The following UTRN variants were observed in gnomAD, a reference collection of about 807,000 sequenced individuals.
The protein encoded by UTRN is utrophin, also known as dystrophin-related protein 1.
Under a neutral mutation model 463.9 loss-of-function variants are expected in UTRN, and 283 were observed. The ratio of observed to expected loss-of-function variants is 0.61; its 90% confidence interval spans 0.55 to 0.67. The LOEUF (loss-of-function observed/expected upper bound fraction) is 0.67. Ranked by LOEUF, UTRN falls within the 30% of genes least tolerant of loss-of-function variation. The probability of loss-of-function intolerance (pLI) is 0.00; values close to 1 mark genes in which losing one functional copy is unlikely to be tolerated. For missense variants in UTRN, 3,922 were observed against 4,084.3 expected, an observed-to-expected ratio of 0.96 and a Z score of 1.08; for synonymous variants, 1,442 against 1,431.5, an observed-to-expected ratio of 1.01 and a Z score of -0.17.
chr6:144,458,850 G>A lies in UTRN; in HGVS notation c.2365G>A (p.Asp789Asn). 3 of 1,613,496 alleles carry A rather than the reference G, an allele frequency of 1.9e-6. No individual in the cohort carries two copies. The highest frequency in any genetic ancestry group is 2.5e-6 in the Non-Finnish European group (3 of 1,179,864). The change falls in exon 20 of 75, where the codon GAT becomes AAT. Residue 789 changes from aspartate (D) to asparagine (N), a missense_variant. Asp to Asn is a conservative substitution (Grantham distance 23). Transcript: ENST00000367545. ...EWKNVSQHLEDLERKIQLQED... is the reference protein window; with the variant it reads ...EWKNVSQHLENLERKIQLQED... ...GAAGAATGTATCTCAACATTTGGAA[G>A]ATCTAGAAAGAAAGATTCAGCTACA...
At chr6:144,403,770 G>A (rs1783134523) in intron 3 of UTRN, among the ~76,000 whole-genome samples, 1 of 152,166 alleles carries the variant, frequency 6.6e-6, no homozygotes, top group African/African-American at 2.4e-5. Context: ...GCATGCTGAA[G>A]AGAGGAATTG....
intron 2 of UTRN, among the ~76,000 whole-genome samples, chr6:144,293,032 G>T (rs759451193): frequency 6.6e-6 from 1 of 152,140 alleles, no homozygotes; most frequent in Non-Finnish European, 1.5e-5. Flanking sequence ...TCTTTTGAAG[G>T]TATAGCTTAA....
intron 39 of UTRN, among the ~76,000 whole-genome samples, chr6:144,520,484 G>C (rs2128595181): frequency 6.6e-6 from 1 of 152,254 alleles, no homozygotes; most frequent in African/African-American, 2.4e-5. Context: ...ATTTAAACTT[G>C]CGGCATTAGG....
intron 54 of UTRN, among the ~76,000 whole-genome samples, chr6:144,742,320 C>T (rs535034181): frequency 6.6e-6 from 1 of 152,238 alleles, no homozygotes; most frequent in Non-Finnish European, 1.5e-5. Flanking sequence ...GAGTGGTTGT[C>T]ATCAGTTATT....
intron 44 of UTRN, among the ~76,000 whole-genome samples, chr6:144,538,389 G>A (rs536254474): frequency 6.5e-4 from 99 of 152,144 alleles, no homozygotes; most frequent in African/African-American, 2.3e-3. Flanking sequence ...GAAATTGTGG[G>A]CTGGGTGTGG....
chr6:144,554,900 C>G lies in UTRN; in HGVS notation c.7134+7C>G, dbSNP rs2128613753. On this transcript the variant is annotated splice_region_variant and intron_variant, in intron 49 of 74. Coordinates refer to ENST00000367545, the MANE Select transcript of UTRN (RefSeq NM_007124.3). ...ACAAATTTCTGATAACCAAGTAAGA[C>G]TCATCAGATATTTTTTGGCAGTATT... 5.6e-6 allele frequency: 9 copies of G among 1,613,650 alleles called. No homozygotes were observed. The highest frequency in any genetic ancestry group is 6.8e-6 in the Non-Finnish European group (8 of 1,179,808).
At chr6:144,289,633 T>G (rs145759838) in intron 1 of UTRN, among the ~76,000 whole-genome samples, 1 of 150,986 alleles carries the variant, frequency 6.6e-6, no homozygotes, top group African/African-American at 2.4e-5. Context: ...CAGATGCCCT[T>G]TAACAAGTTT....
intron 52 of UTRN, among the ~76,000 whole-genome samples, chr6:144,681,563 C>CT (rs1352196409): frequency 2.5e-4 from 37 of 148,172 alleles, no homozygotes; most frequent in Middle Eastern, 3.5e-3. Flanking sequence ...TTGCCAGGGC[C>CT]TTTTTTTTTT....
At chr6:144,746,660 A>G (rs893022619) in intron 54 of UTRN, among the ~76,000 whole-genome samples, 1 of 151,514 alleles carries the variant, frequency 6.6e-6, no homozygotes, top group African/African-American at 2.4e-5. Flanking sequence ...TATTTTTAGT[A>G]GAGATGGGGT....
intron 2 of UTRN, among the ~76,000 whole-genome samples, chr6:144,359,368 C>G (rs1584430986): frequency 6.6e-6 from 1 of 152,216 alleles, no homozygotes; most frequent in Non-Finnish European, 1.5e-5. Context: ...CAGCCTGGCA[C>G]TGATCTGATG....
chr6:144,754,884 C>T (rs1237990912), intron 57 of UTRN, 86 bp downstream of exon 57: 2 of 1,301,328 alleles, frequency 1.5e-6, no homozygotes, highest in Non-Finnish European at 2.2e-6. Context: ...GTATTCCTTG[C>T]TATAAATATG....
rs185090144 is a variant in UTRN, at chr6:144,490,116, T to C, written c.4180T>C (p.Leu1394=). 2.0e-4 allele frequency: 324 copies of C among 1,613,120 alleles called. 1 individual carries two copies. Among genetic ancestry groups the C allele is most frequent in the Admixed American group, 8.7e-4 (52 of 59,860 alleles). The change falls in exon 31 of 75, where the codon TTG becomes CTG. Residue 1394 remains leucine, a synonymous_variant. Coordinates refer to ENST00000367545, the MANE Select transcript of UTRN (RefSeq NM_007124.3). The stretch of plus-strand genomic sequence containing the variant: ...AGCCCATGAGCTAACCCTAGAGGAG[T>C]TGAGAAGAAATATGCGTTCTCAGCC... The part of the protein sequence containing the change: ...ISAHELTLEE[L]RRNMRSQPLT...
intron 2 of UTRN, among the ~76,000 whole-genome samples, chr6:144,323,183 T>G (rs1775773045): frequency 6.6e-6 from 1 of 152,210 alleles, no homozygotes; most frequent in Non-Finnish European, 1.5e-5. Context: ...GTAACAAAGA[T>G]GTTTGCATTG....
chr6:144,634,667 G>GCTATTA lies in UTRN; in HGVS notation c.7480-43738_7480-43733dup, dbSNP rs570151603. 5.9e-5 allele frequency among the ~76,000 whole-genome samples: 9 copies of GCTATTA among 152,270 alleles called. No individual in the cohort carries two copies. In the East Asian group the frequency reaches 1.7e-3, roughly 29 times the overall value. On this transcript the variant is annotated intron_variant, in intron 51 of 74. Coordinates refer to ENST00000367545, the MANE Select transcript of UTRN (RefSeq NM_007124.3). ...GCTGTACAACCATCACCACCCTGTA[G>GCTATTA]CTATTATCTCCGCATCCCTACTTCT... is the stretch of plus-strand genomic sequence containing the variant.
At chr6:144,604,217 G>A (rs1177786046) in intron 51 of UTRN, among the ~76,000 whole-genome samples, 3 of 152,108 alleles carry the variant, frequency 2.0e-5, no homozygotes, top group Non-Finnish European at 4.4e-5. Flanking sequence ...ACATGTATAA[G>A]GTATGCCATA....
intron 65 of UTRN, among the ~76,000 whole-genome samples, chr6:144,812,212 T>TGTG (rs61056590): frequency 0.19 from 28,318 of 152,018 alleles, 3,494 homozygotes; most frequent in Admixed American, 0.35. Flanking sequence ...TTAGAAGTTA[T>TGTG]TTACGGGATT....
intron 53 of UTRN, among the ~76,000 whole-genome samples, chr6:144,723,070 A>T (rs1348978781): frequency 6.6e-6 from 1 of 152,246 alleles, no homozygotes; most frequent in African/African-American, 2.4e-5. Context: ...CTAAGGGGTT[A>T]CCTCATGGGT....
chr6:144,607,528 C>T (rs1232519443), intron 51 of UTRN, among the ~76,000 whole-genome samples: 1 of 152,152 alleles, frequency 6.6e-6, no homozygotes. Flanking sequence ...CACTGATAAT[C>T]TTGTTTGAGA....
intron 2 of UTRN, among the ~76,000 whole-genome samples, chr6:144,346,656 C>T (rs1044486889): frequency 6.6e-6 from 1 of 152,172 alleles, no homozygotes; most frequent in African/African-American, 2.4e-5. Flanking sequence ...AACATCGTCT[C>T]TACTAAAAAT....
Sources: gnomAD v4.1 joint callset for allele counts (sites outside exome capture counted in the v4.1 genomes callset) on GRCh38, gnomAD v4.1.1 for gene constraint, MANE v1.5 for transcripts, NCBI Gene and HGNC (gene_info 2026-07-23, HGNC 2026-07-21) for gene names.